Variants in SMPD3 observed in about 807,000 individuals in gnomAD.
The protein encoded by SMPD3 is nSMase-2.
A neutral mutation model predicts 55.7 loss-of-function variants in SMPD3; 21 were observed. That is an observed-to-expected ratio of 0.38 (90% CI 0.27 to 0.54). SMPD3 has a LOEUF of 0.54. Among genes scored for constraint, SMPD3 ranks in the 20% least tolerant of loss-of-function variants. The pLI is 0.80. For missense variants in SMPD3, 842 were observed against 899.6 expected (o/e 0.94, Z 0.82); for synonymous variants, 457 against 404.3 (o/e 1.13, Z -1.56).
At chr16:68,426,972 G>A (rs921388908) in intron 1 of SMPD3, among the ~76,000 whole-genome samples, 1 of 147,820 alleles carries the variant, frequency 6.8e-6, no homozygotes, top group African/African-American at 2.5e-5. Flanking sequence ...TTAAATCAGA[G>A]ATTTAAACTC....
intron 1 of SMPD3, among the ~76,000 whole-genome samples, chr16:68,442,724 C>A (rs1220790869): frequency 6.6e-6 from 1 of 152,152 alleles, no homozygotes; most frequent in African/African-American, 2.4e-5. Flanking sequence ...CCTAGAGACC[C>A]CCACAAATGG....
intron 1 of SMPD3, among the ~76,000 whole-genome samples, chr16:68,440,840 G>A (rs146433179): frequency 6.6e-5 from 10 of 152,296 alleles, no homozygotes; most frequent in African/African-American, 2.4e-4. Flanking sequence ...GAGACTTAGA[G>A]CTCTTGAGTC....
intron 1 of SMPD3, among the ~76,000 whole-genome samples, chr16:68,437,826 C>T (rs1406125676): frequency 6.6e-6 from 1 of 152,188 alleles, no homozygotes; most frequent in Non-Finnish European, 1.5e-5. Context: ...AGTGCAACTG[C>T]AGCCATTAGA....
chr16:68,378,488 GTGCCAGGTAAA>G (rs1319337784), intron 2 of SMPD3, among the ~76,000 whole-genome samples: 2 of 152,152 alleles, frequency 1.3e-5, no homozygotes, highest in East Asian at 3.9e-4. Context: ...AGACACAGGT[GTGCCAGGTAAA>G]TGCCTGTTCA....
At chr16:68,414,213 G>A (rs1274320184) in intron 1 of SMPD3, among the ~76,000 whole-genome samples, 1 of 152,218 alleles carries the variant, frequency 6.6e-6, no homozygotes, top group Non-Finnish European at 1.5e-5. Flanking sequence ...AAGGGCACTT[G>A]GAATTTCACT....
chr16:68,361,184 A>G lies in SMPD3; in HGVS notation c.*22T>C. On this transcript the variant is annotated 3_prime_UTR_variant, in exon 9 of 9. Coordinates refer to ENST00000219334, the MANE Select transcript of SMPD3 (RefSeq NM_018667.4). ...GGGCTGCAGCTGCAAGGGCTGGCAG[A>G]GGCCCCGCTGCTCCGGACGGTCTAT... The G allele has an allele frequency of 1.9e-6, 3 of 1,603,326 alleles. No homozygotes were observed. Among genetic ancestry groups the G allele is most frequent in the Non-Finnish European group, 2.6e-6 (3 of 1,172,114 alleles).
intron 1 of SMPD3, among the ~76,000 whole-genome samples, chr16:68,435,111 T>G: frequency 8.5e-6 from 1 of 118,116 alleles, no homozygotes; most frequent in East Asian, 2.7e-4. Flanking sequence ...TTGGCTCCAC[T>G]GGCCCTTGTT....
intron 2 of SMPD3, among the ~76,000 whole-genome samples, chr16:68,385,016 T>C (rs1456729170): frequency 6.6e-6 from 1 of 152,108 alleles, no homozygotes; most frequent in Non-Finnish European, 1.5e-5. Flanking sequence ...AAGAGGGAGA[T>C]TGGACATGAG....
chr16:68,371,537 G>A lies in SMPD3; in HGVS notation c.645C>T (p.Asp215=), dbSNP rs755686121. 38 of 1,601,552 alleles carry A rather than the reference G, an allele frequency of 2.4e-5. No homozygotes were observed. Among genetic ancestry groups the A allele is most frequent in the Admixed American group, 1.7e-4 (10 of 59,502 alleles). Residue 215 remains aspartate, a synonymous_variant, in exon 3 of 9, where the codon GAC becomes GAT. Coordinates refer to ENST00000219334, the MANE Select transcript of SMPD3 (RefSeq NM_018667.4). ...KRTASVEYKG[D]GGRHPGDEAA... is the part of the protein sequence containing the mutation. ...CCTCGTCACCGGGGTGCCGCCCACC[G>A]TCACCCTTGTACTCCACAGAGGCTG...
chr16:68,413,923 G>T (rs970440451), intron 1 of SMPD3, among the ~76,000 whole-genome samples: 1 of 152,160 alleles, frequency 6.6e-6, no homozygotes, highest in Non-Finnish European at 1.5e-5. Flanking sequence ...TCAAGGTCTG[G>T]GTGGGTGGAC....
In SMPD3 at chr16:68,371,982, T is replaced by C; in HGVS notation, c.200A>G (p.Tyr67Cys). The change falls in exon 3 of 9, where the codon TAC (tyrosine) becomes TGC (cysteine). Residue 67 changes from tyrosine (Y) to cysteine (C), a missense_variant. Physicochemically the swap from Tyr to Cys is radical, Grantham distance 194. Transcript: ENST00000219334. The stretch of plus-strand genomic sequence containing the variant: ...CAGCGAGGCCACCAGGAGGGCCAGG[T>C]AGATGGGCGTGAAGAGGGCAGTGCA... ...LLCTALFTPI[Y>C]LALLVASLPF... 4 of 1,611,908 alleles carry C rather than the reference T, an allele frequency of 2.5e-6. No homozygotes were observed. Among genetic ancestry groups the C allele is most frequent in the Non-Finnish European group, 3.4e-6 (4 of 1,179,492 alleles).
chr16:68,361,367 G>C, intron 8 of SMPD3, 60 bp from the exon 9 acceptor site: 1 of 1,534,836 alleles, frequency 6.5e-7, no homozygotes, highest in Non-Finnish European at 8.9e-7. Context: ...ATCTTGCAGG[G>C]AGCGGCCTGG....
At chr16:68,367,553 G>T (rs906150784) in intron 3 of SMPD3, 2 of 152,274 alleles carry the variant, frequency 1.3e-5, no homozygotes, top group African/African-American at 4.8e-5. Context: ...CCAACACTTG[G>T]TGTCACCTGC....
chr16:68,387,239 C>G (rs2090065123), intron 1 of SMPD3, among the ~76,000 whole-genome samples: 1 of 151,988 alleles, frequency 6.6e-6, no homozygotes, highest in Non-Finnish European at 1.5e-5. Flanking sequence ...GGTGGCTCCC[C>G]CCTTATCTAA....
chr16:68,421,417 GC>G (rs1331877349), intron 1 of SMPD3, among the ~76,000 whole-genome samples: 1 of 152,216 alleles, frequency 6.6e-6, no homozygotes, highest in African/African-American at 2.4e-5. Flanking sequence ...TTATATGTGT[GC>G]TTTGGAATGA....
At chr16:68,411,343 G>A (rs1223193156) in intron 1 of SMPD3, among the ~76,000 whole-genome samples, 2 of 152,226 alleles carry the variant, frequency 1.3e-5, no homozygotes, top group African/African-American at 4.8e-5. Flanking sequence ...CACACTGCCT[G>A]GCCAGAGCTG....
At chr16:68,424,482 G>A (rs1280667012) in intron 1 of SMPD3, among the ~76,000 whole-genome samples, 1 of 152,038 alleles carries the variant, frequency 6.6e-6, no homozygotes, top group African/African-American at 2.4e-5. Flanking sequence ...TGTTGGGCCT[G>A]ACTCCACAGT....
chr16:68,393,419 A>G (rs2090129607), intron 1 of SMPD3, among the ~76,000 whole-genome samples: 1 of 152,202 alleles, frequency 6.6e-6, no homozygotes, highest in Admixed American at 6.5e-5. Context: ...AACAAAAAAA[A>G]CAAAAAGGAA....
At chr16:68,412,501 A>ATGG (rs557601742) in intron 1 of SMPD3, among the ~76,000 whole-genome samples, 120 of 152,292 alleles carry the variant, frequency 7.9e-4, no homozygotes, top group African/African-American at 2.8e-3. Flanking sequence ...AAGAGTCAAA[A>ATGG]TGGTGGCCAC....
Sources: gnomAD v4.1 joint callset for allele counts (sites outside exome capture counted in the v4.1 genomes callset) on GRCh38, gnomAD v4.1.1 for gene constraint, MANE v1.5 for transcripts, NCBI Gene and HGNC (gene_info 2026-07-23, HGNC 2026-07-21) for gene names.